NALCN: variants seen among roughly 807,000 people sequenced by gnomAD.
NALCN encodes the protein sodium leak channel NALCN.
In NALCN, 111 loss-of-function variants were observed where a neutral mutation model predicts 225.3. That is an observed-to-expected ratio of 0.49 (90% CI 0.42 to 0.58). The LOEUF is 0.58. Among genes scored for constraint, NALCN ranks in the 20% least tolerant of loss-of-function variants. The pLI is 0.00. For missense variants in NALCN, 1,378 were observed against 2,202.4 expected (o/e 0.63, Z 7.49); for synonymous variants, 764 against 769.0 (o/e 0.99, Z 0.11).
chr13:101,224,184 T>C (rs1341788373), intron 13 of NALCN, among the ~76,000 whole-genome samples: 5 of 152,166 alleles, frequency 3.3e-5, no homozygotes, highest in African/African-American at 1.2e-4. Flanking sequence ...CCTACTTCCC[T>C]TCGCCTCACC....
chr13:101,326,357 A>G (rs2044951826), intron 7 of NALCN, among the ~76,000 whole-genome samples: 1 of 152,222 alleles, frequency 6.6e-6, no homozygotes, highest in African/African-American at 2.4e-5. Flanking sequence ...GTGAATGAAT[A>G]AACTTAAAAC....
rs1189447472 is a variant in NALCN, at chr13:101,174,405, G to A, written c.1839+1895C>T. ...GATTAAAAGCCATTTTATAAATAATGACATTTACCCAAAGTGAAGGGCCAT... is the reference window on the plus strand; with the variant it reads ...GATTAAAAGCCATTTTATAAATAATAACATTTACCCAAAGTGAAGGGCCAT... On this transcript the variant is annotated intron_variant, in intron 15 of 43. Coordinates refer to ENST00000251127, the MANE Select transcript of NALCN (RefSeq NM_052867.4). 3.3e-5 allele frequency among the ~76,000 whole-genome samples: 5 copies of A among 152,024 alleles called. 1 individual carries two copies. In the South Asian group the frequency reaches 8.3e-4, roughly 25 times the overall value.
chr13:101,387,775 C>T lies in NALCN; in HGVS notation c.291+7408G>A, dbSNP rs940771938. Among the ~76,000 whole-genome samples the T allele has an allele frequency of 2.6e-5, 4 of 152,066 alleles. 1 individual carries two copies. Among genetic ancestry groups the T allele is most frequent in the South Asian group, 4.2e-4 (2 of 4,810 alleles). On this transcript the variant is annotated intron_variant, in intron 3 of 43. Coordinates refer to ENST00000251127, the MANE Select transcript of NALCN (RefSeq NM_052867.4). Reference sequence around the variant, plus strand: ...AGGTCCCCTGAAAGGTATAGAACTTCGATGTGACAGTGTGTTTTTATTATG... The same window carrying T: ...AGGTCCCCTGAAAGGTATAGAACTTTGATGTGACAGTGTGTTTTTATTATG...
chr13:101,241,728 C>A (rs141182322), intron 11 of NALCN, among the ~76,000 whole-genome samples: 2,218 of 152,220 alleles, frequency 0.015, 25 homozygotes, highest in African/African-American at 0.027. Context: ...CAGGCGTGAG[C>A]CACCATGCCC....
intron 39 of NALCN, among the ~76,000 whole-genome samples, chr13:101,066,948 C>T (rs79534549): frequency 0.098 from 14,944 of 152,094 alleles, 1,158 homozygotes; most frequent in African/African-American, 0.21. Flanking sequence ...TCATTCCTGC[C>T]GGCGCAGCCC....
chr13:101,151,498 T>C (rs2139825191), intron 15 of NALCN, among the ~76,000 whole-genome samples: 1 of 152,322 alleles, frequency 6.6e-6, no homozygotes. Flanking sequence ...TGTGCATAGA[T>C]TTGTGAGTTG....
intron 30 of NALCN, among the ~76,000 whole-genome samples, chr13:101,086,506 G>A (rs1032918482): frequency 2.0e-5 from 3 of 151,442 alleles, no homozygotes; most frequent in Admixed American, 1.3e-4. Flanking sequence ...TTTCATTATG[G>A]TCAGAAAACA....
At chr13:101,177,184 C>T (rs1056714447) in intron 14 of NALCN, among the ~76,000 whole-genome samples, 2 of 152,130 alleles carry the variant, frequency 1.3e-5, no homozygotes, top group African/African-American at 4.8e-5. Flanking sequence ...TTCAAGGTGA[C>T]TGCAGCTGTA....
intron 6 of NALCN, among the ~76,000 whole-genome samples, chr13:101,374,585 C>A (rs989084585): frequency 1.3e-5 from 2 of 152,056 alleles, no homozygotes; most frequent in East Asian, 1.9e-4. Flanking sequence ...CTGTGCACAG[C>A]CCCCTCTGGT....
chr13:101,125,531 A>C (rs9513855), intron 17 of NALCN, among the ~76,000 whole-genome samples: 168 of 152,182 alleles, frequency 1.1e-3, no homozygotes, highest in Non-Finnish European at 1.6e-3. Context: ...GATTTAGGGT[A>C]AATAGAATTT....
At chr13:101,088,925 G>A (rs1234194954) in intron 30 of NALCN, among the ~76,000 whole-genome samples, 1 of 143,302 alleles carries the variant, frequency 7.0e-6, no homozygotes, top group South Asian at 2.2e-4. Flanking sequence ...TTTTTTTTGA[G>A]TCTCGCTCTG....
chr13:101,242,167 A>T lies in NALCN; in HGVS notation c.1267-4245T>A, dbSNP rs970055574. 1.0e-4 allele frequency among the ~76,000 whole-genome samples: 11 copies of T among 106,440 alleles called. 4 individuals are homozygous for T. The East Asian group carries it at 2.6e-3, about 26-fold the overall frequency. The allele number at this position is 106,440 out of a possible 152,430, so 69.8% of individuals were successfully genotyped here. ...TACAATTTTTATTTTGTGTTTAAAC[A>T]TACTCAGATTTTCTAGGGTTTTTGA... On this transcript the variant is annotated intron_variant, in intron 11 of 43. Coordinates refer to ENST00000251127, the MANE Select transcript of NALCN (RefSeq NM_052867.4).
At chr13:101,325,209 T>C (rs924472649) in intron 7 of NALCN, among the ~76,000 whole-genome samples, 15 of 152,142 alleles carry the variant, frequency 9.9e-5, no homozygotes, top group Non-Finnish European at 1.5e-4. Flanking sequence ...TTATGAAATA[T>C]CTCAAACAAG....
intron 6 of NALCN, among the ~76,000 whole-genome samples, chr13:101,350,781 C>T (rs927709959): frequency 6.6e-6 from 1 of 152,112 alleles, no homozygotes; most frequent in Non-Finnish European, 1.5e-5. Flanking sequence ...GAGTGGGACT[C>T]ATCTTATTAA....
At chr13:101,396,060 A>T (rs2047283053) in intron 2 of NALCN, among the ~76,000 whole-genome samples, 1 of 152,198 alleles carries the variant, frequency 6.6e-6, no homozygotes, top group East Asian at 1.9e-4. Context: ...AACACATTTT[A>T]TACAAATTTA....
chr13:101,160,470 G>A (rs1457823835), intron 15 of NALCN, among the ~76,000 whole-genome samples: 1 of 152,080 alleles, frequency 6.6e-6, no homozygotes, highest in Non-Finnish European at 1.5e-5. Flanking sequence ...ACCCTACAAT[G>A]GCACTCACAT....
At chr13:101,370,176 C>T (rs34986892) in intron 6 of NALCN, among the ~76,000 whole-genome samples, 268 of 152,238 alleles carry the variant, frequency 1.8e-3, no homozygotes, top group Non-Finnish European at 3.4e-3. Flanking sequence ...TTACCTTTCT[C>T]ATACGTGTCC....
chr13:101,229,373 T>C lies in NALCN; in HGVS notation c.1626+20A>G, dbSNP rs551984702. On this transcript the variant is annotated intron_variant, in intron 13 of 43. Coordinates refer to ENST00000251127, the MANE Select transcript of NALCN (RefSeq NM_052867.4). ...AATAAGAACAATGAATTTAACTTAC[T>C]GCATTTTTAAAACTCTTACCCTCGG... The C allele has an allele frequency of 2.7e-6, 4 of 1,506,930 alleles. No homozygotes were observed. The highest frequency in any genetic ancestry group is 2.4e-5 in the Admixed American group (1 of 42,348). 93.3% of individuals were successfully genotyped at this position (1,506,930 alleles called of 1,614,324 possible).
chr13:101,068,153 T>A, intron 38 of NALCN, 120 bp from the exon 39 acceptor site: 1 of 650,102 alleles, frequency 1.5e-6, no homozygotes. Context: ...GCCAAATTTT[T>A]AAAGTGCTTT....
Sources: gnomAD v4.1 joint callset for allele counts (sites outside exome capture counted in the v4.1 genomes callset) on GRCh38, gnomAD v4.1.1 for gene constraint, MANE v1.5 for transcripts, NCBI Gene and HGNC (gene_info 2026-07-23, HGNC 2026-07-21) for gene names.